The following WWP2 variants were observed in gnomAD, a reference collection of about 807,000 sequenced individuals.
The protein encoded by WWP2 is WW domain containing E3 ubiquitin protein ligase 2.
In WWP2, 57 loss-of-function variants were observed where a neutral mutation model predicts 121.0. That is an observed-to-expected ratio of 0.47 (90% CI 0.38 to 0.59). The LOEUF is 0.59. Among genes scored for constraint, WWP2 ranks in the 20% least tolerant of loss-of-function variants. The pLI is 0.00. For synonymous variants in WWP2, 449 were observed against 441.3 expected (o/e 1.02, Z -0.22); for missense variants, 962 against 1,158.9 (o/e 0.83, Z 2.47).
intron 8 of WWP2, among the ~76,000 whole-genome samples, chr16:69,899,199 C>T (rs1330104780): frequency 6.6e-6 from 1 of 152,092 alleles, no homozygotes. Context: ...AAATTCTTCC[C>T]TACTCCTAAG....
rs370208026 is a variant in WWP2 at position 69,762,409 on chromosome 16, G to T, written c.-16+18G>T. ...CACGGCAGGTAGCGAGCGCTGGCGC[G>T]GGGGGCGCGGTGGGCTGGCTGCCTG... On this transcript the variant is annotated intron_variant, in intron 1 of 23. Coordinates refer to ENST00000359154, the MANE Select transcript of WWP2 (RefSeq NM_001270454.2). The T allele has an allele frequency of 1.3e-5, 2 of 149,482 alleles. No individual in the cohort carries two copies. Among genetic ancestry groups the T allele is most frequent in the South Asian group, 1.8e-4 (1 of 5,598 alleles). The allele number at this position is 149,482 out of a possible 1,614,324, so 9.3% of individuals were successfully genotyped here.
At chr16:69,918,916 T>C (rs934423224) in intron 10 of WWP2, among the ~76,000 whole-genome samples, 8 of 150,898 alleles carry the variant, frequency 5.3e-5, no homozygotes, top group African/African-American at 1.2e-4. Context: ...CAATCTCGGC[T>C]CACTGCAACC....
chr16:69,803,077 A>G (rs1209553474), intron 4 of WWP2, among the ~76,000 whole-genome samples: 2 of 150,948 alleles, frequency 1.3e-5, no homozygotes, highest in Non-Finnish European at 3.0e-5. Flanking sequence ...CATATATTGG[A>G]TATTACTTGT....
chr16:69,779,023 C>A (rs1275726185), intron 1 of WWP2, among the ~76,000 whole-genome samples: 1 of 151,576 alleles, frequency 6.6e-6, no homozygotes, highest in Non-Finnish European at 1.5e-5. Flanking sequence ...AATCTTGGCT[C>A]ACTGCAACCT....
chr16:69,810,633 G>C (rs1247750298), intron 4 of WWP2, among the ~76,000 whole-genome samples: 1 of 151,604 alleles, frequency 6.6e-6, no homozygotes, highest in Non-Finnish European at 1.5e-5. Flanking sequence ...GGGTTTCACT[G>C]TGTTAGCCAG....
intron 4 of WWP2, among the ~76,000 whole-genome samples, chr16:69,817,886 G>A (rs2056524868): frequency 6.6e-6 from 1 of 151,616 alleles, no homozygotes; most frequent in South Asian, 2.1e-4. Context: ...GTGAGCCATT[G>A]TGCCCAGCCT....
At chr16:69,889,275 T>C (rs1442400663) in intron 8 of WWP2, among the ~76,000 whole-genome samples, 1 of 152,142 alleles carries the variant, frequency 6.6e-6, no homozygotes, top group Non-Finnish European at 1.5e-5. Flanking sequence ...CAGTGAGCTA[T>C]GATCACACCA....
chr16:69,807,080 G>A (rs544566420), intron 4 of WWP2, among the ~76,000 whole-genome samples: 1 of 151,336 alleles, frequency 6.6e-6, no homozygotes, highest in Non-Finnish European at 1.5e-5. Flanking sequence ...CCAGGATGGA[G>A]TGCAATGGCA....
intron 10 of WWP2, chr16:69,924,892 C>G: frequency 1.0e-6 from 1 of 983,250 alleles, no homozygotes; most frequent in Non-Finnish European, 1.2e-6. Context: ...GGGGGGACGC[C>G]GAGGTGGAGG....
chr16:69,918,844 TC>T (rs367937061), intron 10 of WWP2, among the ~76,000 whole-genome samples: 1 of 149,734 alleles, frequency 6.7e-6, no homozygotes, highest in Non-Finnish European at 1.5e-5. Flanking sequence ...TCCTTTTCTT[TC>T]TTTTTTTTTT....
intron 17 of WWP2, 74 bp downstream of exon 17, chr16:69,934,203 A>AG (rs1302056759): frequency 7.1e-6 from 11 of 1,545,108 alleles, no homozygotes; most frequent in Non-Finnish European, 9.7e-6. Flanking sequence ...GAAGTGTGCC[A>AG]GGGGCACCAG....
intron 1 of WWP2, among the ~76,000 whole-genome samples, chr16:69,772,104 G>A (rs1237023274): frequency 1.3e-5 from 2 of 151,334 alleles, no homozygotes; most frequent in African/African-American, 2.4e-5. Context: ...TGGGATTACA[G>A]GCACGCACCA....
chr16:69,876,296 C>T (rs1372532504), intron 7 of WWP2, among the ~76,000 whole-genome samples: 1 of 150,472 alleles, frequency 6.6e-6, no homozygotes, highest in Non-Finnish European at 1.5e-5. Context: ...GAATCATGAT[C>T]TAAGGCAGTT....
At chr16:69,853,162 G>A (rs1175279962) in intron 6 of WWP2, among the ~76,000 whole-genome samples, 1 of 152,136 alleles carries the variant, frequency 6.6e-6, no homozygotes, top group African/African-American at 2.4e-5. Context: ...ATATCAGTTG[G>A]GGTTCATTGC....
chr16:69,846,807 GAA>G (rs921309707), intron 6 of WWP2, among the ~76,000 whole-genome samples: 5 of 152,066 alleles, frequency 3.3e-5, no homozygotes, highest in African/African-American at 1.2e-4. Flanking sequence ...GGTGTAATGA[GAA>G]AAGAGTACAG....
Position 69,935,862 on chromosome 16 carries a change from C to T in WWP2, c.1852C>T (p.His618Tyr). Residue 618 changes from histidine to tyrosine, a missense_variant, in exon 18 of 24, where the codon CAT becomes TAT. Transcript: ENST00000359154. This position sits in a 1 kb window ranked among gnomAD's most constrained non-coding sequence, Gnocchi z 5.2. ...IGRFIAMALY[H>Y]GKFIDTGFTL... ...GCCTCTTCCTTCCCAGGCGCTGTAC[C>T]ATGGAAAGTTCATCGACACGGGCTT... 1 of 1,613,362 alleles carries T rather than the reference C, an allele frequency of 6.2e-7. No homozygotes were observed.
chr16:69,765,393 A>T (rs2038705866), intron 1 of WWP2, among the ~76,000 whole-genome samples: 1 of 152,290 alleles, frequency 6.6e-6, no homozygotes, highest in South Asian at 2.1e-4. Context: ...GAATGCCAGG[A>T]ATATAGCAGT....
intron 7 of WWP2, among the ~76,000 whole-genome samples, chr16:69,883,862 ACAGT>A (rs2057875230): frequency 6.6e-6 from 1 of 152,150 alleles, no homozygotes; most frequent in Non-Finnish European, 1.5e-5. Flanking sequence ...AGCTGCATAA[ACAGT>A]CAGATCCGAG....
chr16:69,918,176 A>G (rs541196400), intron 10 of WWP2, among the ~76,000 whole-genome samples: 3 of 151,846 alleles, frequency 2.0e-5, no homozygotes, highest in Non-Finnish European at 2.9e-5. Flanking sequence ...ATTCAAGTCC[A>G]TTTTCCCTGA....
Sources: allele counts gnomAD v4.1 joint callset (sites outside exome capture counted in the v4.1 genomes callset), GRCh38; gene constraint gnomAD v4.1.1; non-coding constraint Gnocchi (gnomAD v3.1); transcripts MANE v1.5; gene names NCBI Gene and HGNC (gene_info 2026-07-23, HGNC 2026-07-21).